The following ADARB2 variants were observed in gnomAD, a reference collection of about 807,000 sequenced individuals.
ADARB2 encodes the protein inactive double-stranded RNA-specific editase B2.
In ADARB2, 25 loss-of-function variants were observed where a neutral mutation model predicts 62.2. The observed-to-expected ratio is 0.40, with a 90% CI of 0.29 to 0.56. ADARB2 has a LOEUF of 0.56. ADARB2 is among the 20% of genes least tolerant of loss of function. The pLI is 0.43. For synonymous variants in ADARB2, 572 were observed against 500.8 expected, an observed-to-expected ratio of 1.14 and a Z score of -1.90; for missense variants, 1,071 against 1,077.4, an observed-to-expected ratio of 0.99 and a Z score of 0.08.
chr10:1,224,652 C>A (rs1302214831), intron 6 of ADARB2, among the ~76,000 whole-genome samples: 11 of 152,188 alleles, frequency 7.2e-5, no homozygotes, highest in Non-Finnish European at 1.2e-4. Flanking sequence ...TTTCAAAGAA[C>A]ATCTTTATTT....
chr10:1,733,735 A>G (rs1204286435), intron 1 of ADARB2, among the ~76,000 whole-genome samples: 1 of 152,212 alleles, frequency 6.6e-6, no homozygotes, highest in Non-Finnish European at 1.5e-5. Context: ...ATATTACTCT[A>G]TATAACCACA....
chr10:1,570,456 CATGCTCA>C (rs925413475), intron 1 of ADARB2, among the ~76,000 whole-genome samples: 1 of 152,000 alleles, frequency 6.6e-6, no homozygotes, highest in Non-Finnish European at 1.5e-5. Context: ...GGGCAGGCAC[CATGCTCA>C]CCGCACGGCA....
chr10:1,373,796 A>AC lies in ADARB2; in HGVS notation c.187+5277dup, dbSNP rs1564272840. 2.1e-4 allele frequency among the ~76,000 whole-genome samples: 17 copies of AC among 81,668 alleles called. 3 individuals carry two copies. Among genetic ancestry groups the AC allele is most frequent in the Non-Finnish European group, 3.7e-4 (12 of 32,818 alleles). 53.6% of individuals were successfully genotyped at this position (81,668 alleles called of 152,430 possible). On this transcript the variant is annotated intron_variant, in intron 2 of 9. Transcript: ENST00000381312. ...TAATGAGACCACGTGGACTCCGCGC[A>AC]CCTTTCCTAGTGAGACCGCGTGGAC...
intron 1 of ADARB2, among the ~76,000 whole-genome samples, chr10:1,391,249 G>A (rs530061444): frequency 4.0e-5 from 6 of 149,464 alleles, no homozygotes; most frequent in African/African-American, 1.3e-4. Context: ...ACCAATAGGC[G>A]ATGTCTGGGA....
chr10:1,629,116 T>A (rs544731634), intron 1 of ADARB2, among the ~76,000 whole-genome samples: 41 of 152,200 alleles, frequency 2.7e-4, no homozygotes, highest in Middle Eastern at 3.4e-3. Context: ...CAACACAGAG[T>A]CCACGAGTAA....
At chr10:1,590,585 C>G (rs952795885) in intron 1 of ADARB2, among the ~76,000 whole-genome samples, 1 of 152,158 alleles carries the variant, frequency 6.6e-6, no homozygotes, top group South Asian at 2.1e-4. Flanking sequence ...GGCCGTTAGA[C>G]GAGAGGCTCT....
At chr10:1,467,812 G>A (rs1167246246) in intron 1 of ADARB2, among the ~76,000 whole-genome samples, 5 of 152,142 alleles carry the variant, frequency 3.3e-5, no homozygotes, top group African/African-American at 1.2e-4. Context: ...CTTTTGAGTC[G>A]AACACATTAA....
At chr10:1,284,472 G>A (rs558797403) in intron 3 of ADARB2, among the ~76,000 whole-genome samples, 4 of 152,278 alleles carry the variant, frequency 2.6e-5, no homozygotes, top group Non-Finnish European at 4.4e-5. Context: ...TGTTACTACC[G>A]ATGGCTGCCT....
intron 1 of ADARB2, among the ~76,000 whole-genome samples, chr10:1,563,888 T>G (rs112256117): frequency 0.023 from 3,476 of 148,564 alleles, 117 homozygotes; most frequent in African/African-American, 0.081. Flanking sequence ...GTGTTTGGTT[T>G]TTTGTTCTTG....
At chr10:1,205,230 A>G (rs532279654) in intron 7 of ADARB2, among the ~76,000 whole-genome samples, 1 of 152,296 alleles carries the variant, frequency 6.6e-6, no homozygotes, top group East Asian at 1.9e-4. Flanking sequence ...CCCGAGCTCA[A>G]AGGGAGGGCT....
intron 1 of ADARB2, among the ~76,000 whole-genome samples, chr10:1,685,442 A>G (rs1293058677): frequency 3.3e-5 from 5 of 152,190 alleles, no homozygotes; most frequent in Non-Finnish European, 7.3e-5. Flanking sequence ...TACCTGACAC[A>G]TGGAATTCTA....
intron 1 of ADARB2, among the ~76,000 whole-genome samples, chr10:1,467,033 C>G (rs1183707305): frequency 2.0e-5 from 3 of 151,440 alleles, no homozygotes; most frequent in African/African-American, 4.9e-5. Context: ...GGTTTCCGGT[C>G]TATTTACAGC....
At chr10:1,376,974 G>A (rs564410569) in intron 2 of ADARB2, among the ~76,000 whole-genome samples, 12 of 145,308 alleles carry the variant, frequency 8.3e-5, no homozygotes, top group Non-Finnish European at 1.7e-4. Context: ...GTGCACCCCT[G>A]GGGTGTGTGT....
chr10:1,396,358 C>A (rs546102176), intron 1 of ADARB2, among the ~76,000 whole-genome samples: 1 of 152,180 alleles, frequency 6.6e-6, no homozygotes, highest in African/African-American at 2.4e-5. Context: ...GCCGACGCAG[C>A]CTTCACGCCC....
At chr10:1,402,023 C>G (rs1832668313) in intron 1 of ADARB2, among the ~76,000 whole-genome samples, 1 of 152,284 alleles carries the variant, frequency 6.6e-6, no homozygotes, top group South Asian at 2.1e-4. Flanking sequence ...CTCTCATGAC[C>G]TTGGAACTCG....
intron 1 of ADARB2, among the ~76,000 whole-genome samples, chr10:1,696,172 G>C (rs374953169): frequency 8.5e-6 from 1 of 117,794 alleles, no homozygotes; most frequent in African/African-American, 2.9e-5. Flanking sequence ...GCATGTGTCT[G>C]TGTATGCACA....
chr10:1,423,532 G>T (rs1432666553), intron 1 of ADARB2, among the ~76,000 whole-genome samples: 5 of 152,092 alleles, frequency 3.3e-5, no homozygotes, highest in Non-Finnish European at 5.9e-5. Flanking sequence ...AGGCCTAGTT[G>T]TCTTTGCTAC....
chr10:1,700,325 G>A (rs1394475915), intron 1 of ADARB2, among the ~76,000 whole-genome samples: 46 of 4,372 alleles, frequency 0.011, 3 homozygotes, highest in African/African-American at 0.024. Context: ...CCAGGAGACC[G>A]GGCACTCGCC....
rs572788743 is a variant in ADARB2, at chr10:1,182,788, G to C, written c.*405C>G. On this transcript the variant is annotated 3_prime_UTR_variant, in exon 10 of 10. Transcript: ENST00000381312. Reference sequence around the variant, plus strand: ...TATCTTCATGTGCCCCCTCAAGCTAGTGAGACCCCAGCATCACCAAGAGGC... The same window carrying C: ...TATCTTCATGTGCCCCCTCAAGCTACTGAGACCCCAGCATCACCAAGAGGC... 1 of 169,990 alleles carries C rather than the reference G, an allele frequency of 5.9e-6. No individual in the cohort carries two copies. Among genetic ancestry groups the C allele is most frequent in the South Asian group, 1.7e-4 (1 of 5,834 alleles). 10.5% of individuals were successfully genotyped at this position (169,990 alleles called of 1,614,324 possible).
Sources: gnomAD v4.1 joint callset for allele counts (sites outside exome capture counted in the v4.1 genomes callset) on GRCh38, gnomAD v4.1.1 for gene constraint, MANE v1.5 for transcripts, NCBI Gene and HGNC (gene_info 2026-07-23, HGNC 2026-07-21) for gene names.